The following FER variants were observed in gnomAD, a reference collection of about 807,000 sequenced individuals.
FER encodes the protein FER tyrosine kinase.
A neutral mutation model predicts 111.0 loss-of-function variants in FER; 63 were observed. The ratio of observed to expected loss-of-function variants is 0.57; its 90% CI spans 0.46 to 0.70. The LOEUF (loss-of-function observed/expected upper bound fraction) is 0.70. Among genes scored for constraint, FER ranks in the 30% least tolerant of loss-of-function variants. The probability of loss-of-function intolerance (pLI) is 0.00; values close to 1 mark genes in which losing one functional copy is unlikely to be tolerated. For missense variants in FER, 914 were observed against 954.0 expected (o/e 0.96, Z 0.55); for synonymous variants, 327 against 313.9 (o/e 1.04, Z -0.44).
chr5:108,997,431 A>AAG (rs2149768575), intron 13 of FER, among the ~76,000 whole-genome samples: 1 of 151,846 alleles, frequency 6.6e-6, no homozygotes, highest in South Asian at 2.1e-4. Flanking sequence ...AAAAAAAAAA[A>AAG]AAGAGATTTT....
In FER at chr5:108,845,931, C is replaced by A. The variant is rs951479804; in HGVS notation, c.481+10124C>A. Among the ~76,000 whole-genome samples the A allele has an allele frequency of 3.9e-5, 6 of 152,148 alleles. No individual in the cohort carries two copies. In the South Asian group the frequency reaches 6.2e-4, roughly 16 times the overall value. On this transcript the variant is annotated intron_variant, in intron 5 of 19. Coordinates refer to ENST00000281092, the MANE Select transcript of FER (RefSeq NM_005246.4). The stretch of plus-strand genomic sequence containing the variant: ...GATTTTCACATTTCAAATATTACAC[C>A]AACCTTGCATAAAATCTCGCTAGTC...
In FER at chr5:109,195,076, A is replaced by C. The variant is rs1304671216; in HGVS notation, c.*7501A>C. ...TTAAACCCAAAAGAAAGAAAGAAAC[A>C]CACCCTCTTATGTAGGAATTTCCCT... is the stretch of plus-strand genomic sequence containing the variant. On this transcript the variant is annotated 3_prime_UTR_variant, in exon 20 of 20. Coordinates refer to ENST00000281092, the MANE Select transcript of FER (RefSeq NM_005246.4). 6.6e-6 allele frequency: 1 copy of C among 152,148 alleles called. No individual in the cohort carries two copies. The highest frequency in any genetic ancestry group is 1.5e-5 in the Non-Finnish European group (1 of 68,018). 9.4% of individuals were successfully genotyped at this position (152,148 alleles called of 1,614,324 possible). A position where few individuals can be genotyped will look rare whatever the true frequency, so the allele number is the denominator to read the frequency against.
intron 5 of FER, among the ~76,000 whole-genome samples, chr5:108,837,397 G>T (rs1448067433): frequency 6.6e-6 from 1 of 152,086 alleles, no homozygotes; most frequent in African/African-American, 2.4e-5. Flanking sequence ...AAATCATCAA[G>T]AATAGTTTAA....
chr5:108,793,944 G>A lies in FER; in HGVS notation c.-59-4180G>A, dbSNP rs73207522. 6.3e-3 allele frequency among the ~76,000 whole-genome samples: 951 copies of A among 152,022 alleles called. 11 individuals carry two copies. Among genetic ancestry groups the A allele is most frequent in the African/African-American group, 0.022 (895 of 41,478 alleles). ...TACACTTTAACTTTGACCCCTCTCC[G>A]CTTTTTAACTTATTGTTTCTATTCA... On this transcript the variant is annotated intron_variant, in intron 2 of 19. Transcript: ENST00000281092.
chr5:108,791,170 G>A (rs1419123730), intron 2 of FER, among the ~76,000 whole-genome samples: 1 of 152,152 alleles, frequency 6.6e-6, no homozygotes, highest in Non-Finnish European at 1.5e-5. Context: ...CCTGGGAGGT[G>A]AATTTCTGGA....
At chr5:109,123,249 G>T (rs181716765) in intron 17 of FER, among the ~76,000 whole-genome samples, 1 of 146,426 alleles carries the variant, frequency 6.8e-6, no homozygotes, top group Non-Finnish European at 1.5e-5. Context: ...TCCGCCTCCC[G>T]GGTTCACGCC....
rs1759227190 is a variant in FER at position 109,189,597 on chromosome 5, T to C, written c.*2022T>C. The stretch of plus-strand genomic sequence containing the variant: ...TCAAAGCGCAAACTCAGAAGTGCTA[T>C]GGTATTGAGGCACTTACCAACCTTC... On this transcript the variant is annotated 3_prime_UTR_variant, in exon 20 of 20. Transcript: ENST00000281092. 6.6e-6 allele frequency: 1 copy of C among 152,210 alleles called. No homozygotes were observed. Among genetic ancestry groups the C allele is most frequent in the Non-Finnish European group, 1.5e-5 (1 of 68,036 alleles). 9.4% of individuals were successfully genotyped at this position (152,210 alleles called of 1,614,324 possible).
chr5:109,063,405 T>A (rs1234203686), intron 16 of FER, among the ~76,000 whole-genome samples: 1 of 152,190 alleles, frequency 6.6e-6, no homozygotes, highest in African/African-American at 2.4e-5. Flanking sequence ...ATCCCAGCAT[T>A]TGGAGTCTAG....
intron 1 of FER, among the ~76,000 whole-genome samples, chr5:108,750,307 T>A (rs1172095974): frequency 6.6e-6 from 1 of 152,230 alleles, no homozygotes; most frequent in Non-Finnish European, 1.5e-5. Context: ...AGTGCAGTAT[T>A]TGTAGTCCTG....
intron 13 of FER, among the ~76,000 whole-genome samples, chr5:109,002,312 A>G (rs1413279736): frequency 6.6e-6 from 1 of 151,884 alleles, no homozygotes; most frequent in Non-Finnish European, 1.5e-5. Flanking sequence ...CCTCAGAAAT[A>G]ACGCCGCATA....
intron 5 of FER, among the ~76,000 whole-genome samples, chr5:108,844,183 GTTTTC>G (rs1218195897): frequency 1.1e-5 from 1 of 89,658 alleles, no homozygotes; most frequent in African/African-American, 5.3e-5. Flanking sequence ...TATATATATA[GTTTTC>G]TTTTGATGAA....
chr5:108,816,509 A>T (rs1051275449), intron 3 of FER, among the ~76,000 whole-genome samples: 2 of 152,224 alleles, frequency 1.3e-5, no homozygotes, highest in African/African-American at 4.8e-5. Context: ...CTTAACGTTT[A>T]ATATGTGTAA....
intron 3 of FER, among the ~76,000 whole-genome samples, chr5:108,807,824 T>G (rs1757359053): frequency 6.6e-6 from 1 of 152,172 alleles, no homozygotes; most frequent in Non-Finnish European, 1.5e-5. Context: ...TTCTCTATTT[T>G]CATTTATTTC....
At chr5:108,956,621 A>G (rs1758461824) in intron 12 of FER, among the ~76,000 whole-genome samples, 2 of 151,570 alleles carry the variant, frequency 1.3e-5, no homozygotes, top group South Asian at 2.1e-4. Flanking sequence ...TCCTTCTGTC[A>G]CTGAAATTTT....
intron 13 of FER, among the ~76,000 whole-genome samples, chr5:108,968,127 G>A (rs570296793): frequency 1.3e-5 from 2 of 152,298 alleles, no homozygotes; most frequent in South Asian, 4.1e-4. Flanking sequence ...AGTGGCTCAG[G>A]CCTGTAATCC....
chr5:108,959,350 A>C lies in FER; in HGVS notation c.1656+3A>C. The C allele has an allele frequency of 6.2e-7, 1 of 1,604,250 alleles. No individual in the cohort carries two copies. Reference sequence around the variant, plus strand: ...TTCTGCTGAATCCTATTCCTAAGGTAGGTGCTTATATACTTTTTTGTCTGT... The same window carrying C: ...TTCTGCTGAATCCTATTCCTAAGGTCGGTGCTTATATACTTTTTTGTCTGT... On this transcript the variant is annotated splice_donor_region_variant and intron_variant, in intron 13 of 19. Transcript: ENST00000281092.
chr5:108,835,446 A>G (rs775092205), intron 4 of FER, among the ~76,000 whole-genome samples: 5 of 151,846 alleles, frequency 3.3e-5, no homozygotes, highest in Non-Finnish European at 7.4e-5. Flanking sequence ...TAGCCTCCCA[A>G]AGTGCTGGTT....
intron 13 of FER, among the ~76,000 whole-genome samples, chr5:109,029,105 A>G (rs1226685452): frequency 6.6e-6 from 1 of 152,202 alleles, no homozygotes; most frequent in Non-Finnish European, 1.5e-5. Context: ...GTATAGAGAT[A>G]AGCAGAAACT....
At chr5:108,923,466 C>G (rs1753307638) in intron 10 of FER, among the ~76,000 whole-genome samples, 1 of 151,994 alleles carries the variant, frequency 6.6e-6, no homozygotes, top group Non-Finnish European at 1.5e-5. Context: ...CTCTCTTGCT[C>G]TTTTCTATTT....
Sources: gnomAD v4.1 joint callset for allele counts (sites outside exome capture counted in the v4.1 genomes callset) on GRCh38, gnomAD v4.1.1 for gene constraint, MANE v1.5 for transcripts, NCBI Gene and HGNC (gene_info 2026-07-23, HGNC 2026-07-21) for gene names.